The following TXNDC16 variants were observed in gnomAD, a reference collection of about 807,000 sequenced individuals.
TXNDC16 encodes thioredoxin domain containing 16, also known as thioredoxin domain-containing protein 16.
TXNDC16 carries 74 observed loss-of-function variants against 85.6 expected under a neutral mutation model. That is an observed-to-expected ratio of 0.86 (90% CI 0.72 to 1.05). TXNDC16 has a LOEUF of 1.05. Ranked by LOEUF, TXNDC16 falls within the 50% of genes least tolerant of loss-of-function variation. TXNDC16 has a pLI of 0.00. For missense variants in TXNDC16, 959 were observed against 947.0 expected, an observed-to-expected ratio of 1.01 and a Z score of -0.17; for synonymous variants, 335 against 326.5, an observed-to-expected ratio of 1.03 and a Z score of -0.28.
intron 18 of TXNDC16, among the ~76,000 whole-genome samples, chr14:52,444,526 C>A (rs901033648): frequency 1.1e-4 from 16 of 152,092 alleles, no homozygotes; most frequent in Admixed American, 3.9e-4. Flanking sequence ...CCTATTTAAT[C>A]TTTATTATAG....
At chr14:52,530,334 TATATAATTATA>T (rs1350076355) in intron 6 of TXNDC16, among the ~76,000 whole-genome samples, 1 of 45,280 alleles carries the variant, frequency 2.2e-5, no homozygotes, top group African/African-American at 9.3e-5. Context: ...TTTTATATTA[TATATAATTATA>T]TATTATAATA....
At chr14:52,500,823 T>C (rs2036640952) in intron 9 of TXNDC16, among the ~76,000 whole-genome samples, 1 of 152,188 alleles carries the variant, frequency 6.6e-6, no homozygotes, top group Non-Finnish European at 1.5e-5. Context: ...CAAAAAATAA[T>C]GTAAAAATTT....
chr14:52,503,460 C>G (rs1459254675), intron 9 of TXNDC16, among the ~76,000 whole-genome samples: 1 of 152,212 alleles, frequency 6.6e-6, no homozygotes, highest in East Asian at 1.9e-4. Context: ...CCCAGGCAAA[C>G]AGGGTCTGGA....
intron 4 of TXNDC16, among the ~76,000 whole-genome samples, chr14:52,541,749 T>G (rs1222544188): frequency 1.3e-5 from 2 of 152,190 alleles, no homozygotes; most frequent in African/African-American, 4.8e-5. Context: ...AGTTGTCTGA[T>G]ATATAAATTC....
intron 16 of TXNDC16, among the ~76,000 whole-genome samples, chr14:52,460,440 T>G (rs747050993): frequency 5.8e-4 from 89 of 152,206 alleles, no homozygotes; most frequent in Non-Finnish European, 9.8e-4. Flanking sequence ...AAAAATCGTA[T>G]GAAAGTCAAA....
chr14:52,482,216 G>C lies in TXNDC16; in HGVS notation c.1312+14C>G, dbSNP rs1009646452. 6.2e-7 allele frequency: 1 copy of C among 1,607,688 alleles called. No individual in the cohort carries two copies. Among genetic ancestry groups the C allele is most frequent in the South Asian group, 1.1e-5 (1 of 90,428 alleles). ...AGAATCAGAATAATAAGCATGCATA[G>C]CACAGTACACTACCTTTCAGTTTAA... On this transcript the variant is annotated intron_variant, in intron 14 of 20. Coordinates refer to ENST00000281741, the MANE Select transcript of TXNDC16 (RefSeq NM_020784.3).
chr14:52,461,402 CAAACAT>C (rs922647589), intron 16 of TXNDC16, among the ~76,000 whole-genome samples: 3 of 139,298 alleles, frequency 2.2e-5, no homozygotes, highest in African/African-American at 8.1e-5. Context: ...AGTACATAAA[CAAACAT>C]ATGTTTGATA....
intron 9 of TXNDC16, among the ~76,000 whole-genome samples, chr14:52,493,215 A>ATATATATATATATATATATATATATATAT (rs761008122): frequency 3.3e-5 from 4 of 121,018 alleles, no homozygotes; most frequent in East Asian, 5.4e-4. Flanking sequence ...ATATATATAT[A>ATATATATATATATATATATATATATATAT]TACACACACA....
intron 1 of TXNDC16, among the ~76,000 whole-genome samples, chr14:52,547,679 G>A (rs957907586): frequency 1.3e-5 from 2 of 152,136 alleles, no homozygotes; most frequent in African/African-American, 4.8e-5. Flanking sequence ...AATACTTACA[G>A]TTATCTCTCC....
At chr14:52,530,247 A>ATTATATATAAT (rs1491407146) in intron 6 of TXNDC16, among the ~76,000 whole-genome samples, 1 of 45,964 alleles carries the variant, frequency 2.2e-5, no homozygotes, top group African/African-American at 1.4e-4. Context: ...AATAATATAT[A>ATTATATATAAT]ATATATATTA....
intron 20 of TXNDC16, among the ~76,000 whole-genome samples, chr14:52,434,906 A>T (rs981127019): frequency 1.3e-5 from 2 of 152,252 alleles, no homozygotes; most frequent in Non-Finnish European, 2.9e-5. Context: ...GCTGGCAAAG[A>T]TGTTAACAAA....
intron 6 of TXNDC16, among the ~76,000 whole-genome samples, chr14:52,521,853 A>T (rs1326482731): frequency 1.3e-5 from 2 of 152,250 alleles, no homozygotes; most frequent in Non-Finnish European, 2.9e-5. Flanking sequence ...ATTCACACAC[A>T]GGCAACAATC....
At position 52,477,209 on chromosome 14, in the gene TXNDC16, C is replaced by T. The variant is rs565095057; in HGVS notation, c.1312+5021G>A. Among the ~76,000 whole-genome samples, 10 of 152,192 alleles carry T rather than the reference C, an allele frequency of 6.6e-5. No individual in the cohort carries two copies. In the South Asian group the frequency reaches 1.2e-3, roughly 19 times the overall value. On this transcript the variant is annotated intron_variant, in intron 14 of 20. Transcript: ENST00000281741. The stretch of plus-strand genomic sequence containing the variant: ...CTTGAAACAAATCCTGGAAACACAT[C>T]AAAAAAGAACCTCTTTAAAGCATAA...
chr14:52,445,040 G>A (rs2035246503), intron 18 of TXNDC16, among the ~76,000 whole-genome samples: 1 of 151,988 alleles, frequency 6.6e-6, no homozygotes, highest in Non-Finnish European at 1.5e-5. Flanking sequence ...ATATAAAAAG[G>A]CACACAGATA....
Position 52,431,868 on chromosome 14 carries a change from T to C in TXNDC16, c.*436A>G, listed in dbSNP as rs2034904958. The C allele has an allele frequency of 6.5e-6, 1 of 152,964 alleles. No homozygotes were observed. The highest frequency in any genetic ancestry group is 2.4e-5 in the African/African-American group (1 of 41,488). The allele number at this position is 152,964 out of a possible 1,614,324, so 9.5% of individuals were successfully genotyped here. Reference sequence around the variant, plus strand: ...TTAATTTTAATCCAAATAGAAATCATGGCTAGAACTAAGTTAATTATGCTA... The same window carrying C: ...TTAATTTTAATCCAAATAGAAATCACGGCTAGAACTAAGTTAATTATGCTA... On this transcript the variant is annotated 3_prime_UTR_variant, in exon 21 of 21. Coordinates refer to ENST00000281741, the MANE Select transcript of TXNDC16 (RefSeq NM_020784.3).
chr14:52,518,483 C>T (rs1206564273), intron 7 of TXNDC16, among the ~76,000 whole-genome samples: 1 of 152,156 alleles, frequency 6.6e-6, no homozygotes, highest in African/African-American at 2.4e-5. Flanking sequence ...ACCTTGTCTC[C>T]ACTATTTCTC....
chr14:52,541,632 G>A (rs373404192), intron 4 of TXNDC16, among the ~76,000 whole-genome samples: 2 of 152,196 alleles, frequency 1.3e-5, no homozygotes, highest in South Asian at 2.1e-4. Context: ...AGCGACCATA[G>A]CCATCTTTTA....
At chr14:52,484,841 G>A (rs1235019902) in intron 12 of TXNDC16, among the ~76,000 whole-genome samples, 1 of 151,862 alleles carries the variant, frequency 6.6e-6, no homozygotes, top group African/African-American at 2.4e-5. Flanking sequence ...AGATTGCACC[G>A]CTGCACTCCA....
chr14:52,432,652 G>T, intron 20 of TXNDC16, 65 bp from the exon 21 acceptor site: 1 of 1,352,240 alleles, frequency 7.4e-7, no homozygotes, highest in Non-Finnish European at 9.8e-7. Context: ...CAACATATTA[G>T]AAAATGTTTT....
Sources: allele counts gnomAD v4.1 joint callset (sites outside exome capture counted in the v4.1 genomes callset), GRCh38; gene constraint gnomAD v4.1.1; transcripts MANE v1.5; gene names NCBI Gene and HGNC (gene_info 2026-07-23, HGNC 2026-07-21).